Variants in TENM2 observed in about 807,000 individuals in gnomAD.
The protein encoded by TENM2 is teneurin transmembrane protein 2.
TENM2 carries 52 observed loss-of-function variants against 245.2 expected under a neutral mutation model. The observed-to-expected ratio is 0.21, with a 90% CI of 0.17 to 0.27. The LOEUF is 0.27. TENM2 is among the 10% of genes least tolerant of loss of function. The pLI is 1.00. For missense variants in TENM2, 3,046 were observed against 3,666.8 expected (o/e 0.83, Z 4.37); for synonymous variants, 1,363 against 1,438.9 (o/e 0.95, Z 1.19).
chr5:167,160,773 G>A, the TENM2 span, among the ~76,000 whole-genome samples: 6 of 152,190 alleles, frequency 3.9e-5, no homozygotes, highest in Non-Finnish European at 8.8e-5. Context: ...AATTACCTGA[G>A]GATGGGATGT....
Position 167,736,349 on chromosome 5 carries a change from G to C in TENM2, c.503-139637G>C, listed in dbSNP as rs1339221556. The stretch of plus-strand genomic sequence containing the variant: ...ACAATTCAAGATGAGATTTGGGTGG[G>C]GACACAGCCAAATCATATCACAAAG... On this transcript the variant is annotated intron_variant, in intron 2 of 28. Transcript: ENST00000518659. Among the ~76,000 whole-genome samples the C allele has an allele frequency of 2.0e-5, 3 of 151,938 alleles. No individual in the cohort carries two copies. The East Asian group carries it at 5.8e-4, about 29-fold the overall frequency.
the TENM2 span, among the ~76,000 whole-genome samples, chr5:167,132,546 C>T: frequency 6.6e-6 from 1 of 152,122 alleles, no homozygotes; most frequent in Middle Eastern, 3.4e-3. Context: ...AGGCATGTTA[C>T]GCAAATAAAT....
At chr5:167,902,559 G>A (rs147660699) in intron 3 of TENM2, among the ~76,000 whole-genome samples, 14 of 152,192 alleles carry the variant, frequency 9.2e-5, no homozygotes, top group African/African-American at 3.4e-4. Context: ...GGATTAATCC[G>A]TCCTATGGAG....
intron 10 of TENM2, among the ~76,000 whole-genome samples, chr5:168,121,548 G>T (rs1027819030): frequency 1.3e-5 from 2 of 152,132 alleles, no homozygotes; most frequent in African/African-American, 4.8e-5. Flanking sequence ...TGGTTTTTTT[G>T]ATGGCATTCT....
chr5:167,681,625 T>TTA (rs10669024), intron 2 of TENM2, among the ~76,000 whole-genome samples: 33,909 of 151,394 alleles, frequency 0.22, 5,687 homozygotes, highest in East Asian at 0.58. Context: ...ATGTATTTGT[T>TTA]TATATATATA....
intron 2 of TENM2, among the ~76,000 whole-genome samples, chr5:167,814,453 C>CAAAAAAAAAAA (rs11324953): frequency 1.2e-5 from 1 of 83,830 alleles, no homozygotes. Context: ...CACTCCGATT[C>CAAAAAAAAAAA]AAAAAAAAAA....
At chr5:167,581,950 C>G (rs1775126870) in intron 2 of TENM2, among the ~76,000 whole-genome samples, 1 of 151,854 alleles carries the variant, frequency 6.6e-6, no homozygotes, top group Non-Finnish European at 1.5e-5. Context: ...GTTACAAAGC[C>G]ATTGGAGCCC....
At chr5:167,081,447 T>C in the TENM2 span, among the ~76,000 whole-genome samples, 1 of 142,722 alleles carries the variant, frequency 7.0e-6, no homozygotes, top group East Asian at 2.0e-4. Flanking sequence ...TTCTAAGCCT[T>C]TTTTTTGCTT....
chr5:167,369,451 A>ATGTT (rs141279644), intron 1 of TENM2, among the ~76,000 whole-genome samples: 2 of 150,170 alleles, frequency 1.3e-5, no homozygotes, highest in African/African-American at 4.9e-5. Flanking sequence ...TTGATGAACT[A>ATGTT]TTTTTTTTTT....
chr5:168,230,523 T>A (rs1764766804), intron 25 of TENM2, among the ~76,000 whole-genome samples: 1 of 152,152 alleles, frequency 6.6e-6, no homozygotes, highest in Admixed American at 6.6e-5. Context: ...TCGTCAGATG[T>A]TTCGTGAGCC....
chr5:168,226,168 C>G lies in TENM2; in HGVS notation c.5189C>G (p.Ser1730Cys), dbSNP rs371242311. The G allele has an allele frequency of 1.9e-6, 3 of 1,613,594 alleles. No homozygotes were observed. Among genetic ancestry groups the G allele is most frequent in the Admixed American group, 1.7e-5 (1 of 59,966 alleles). The change falls in exon 24 of 29, where the codon TCT becomes TGT. Residue 1730 changes from serine (S) to cysteine (C), a missense_variant. This residue lies in a region of TENM2 where 2,704 missense variants were observed against 3,331.9 expected (regional missense o/e 0.81). Transcript: ENST00000518659. The stretch of plus-strand genomic sequence containing the variant: ...AGTCTGCACCGGGAAATGGAGAAAT[C>G]TATTACCATTGACATTGAGAACTCC...
chr5:168,035,885 A>T (rs748897484), intron 5 of TENM2, among the ~76,000 whole-genome samples: 3 of 152,184 alleles, frequency 2.0e-5, no homozygotes, highest in African/African-American at 4.8e-5. Context: ...TGGGATAAAA[A>T]AGTAACTGCC....
At chr5:167,303,680 T>C (rs1195389466) in intron 1 of TENM2, among the ~76,000 whole-genome samples, 3 of 152,102 alleles carry the variant, frequency 2.0e-5, no homozygotes, top group Admixed American at 6.6e-5. Context: ...GGCCTGACAG[T>C]GGGTCTGTAT....
intron 5 of TENM2, among the ~76,000 whole-genome samples, chr5:168,030,256 C>T (rs535389314): frequency 1.4e-5 from 2 of 142,918 alleles, no homozygotes; most frequent in African/African-American, 5.2e-5. Context: ...TGACACACTA[C>T]CTGTATGGGC....
At chr5:168,041,106 G>A (rs1788148032) in intron 5 of TENM2, among the ~76,000 whole-genome samples, 1 of 152,146 alleles carries the variant, frequency 6.6e-6, no homozygotes, top group Non-Finnish European at 1.5e-5. Context: ...GAGGGCCGAT[G>A]TCCTCCAGTG....
Position 168,244,312 on chromosome 5 carries a change from C to G in TENM2, c.5521-108C>G. 1.2e-6 allele frequency: 1 copy of G among 869,252 alleles called. No individual in the cohort carries two copies. Among genetic ancestry groups the G allele is most frequent in the Admixed American group, 3.7e-5 (1 of 26,778 alleles). The allele number at this position is 869,252 out of a possible 1,614,324, so 53.8% of individuals were successfully genotyped here. ...ACTCTAACTTTGGGGTTATTTCTTC[C>G]TCCAGTGAACACTTAAGCCCTGGCC... On this transcript the variant is annotated intron_variant, in intron 25 of 28. Coordinates refer to ENST00000518659, the Ensembl canonical transcript of TENM2. This position sits in a 1 kb window ranked among gnomAD's most constrained non-coding sequence, Gnocchi z 4.9.
chr5:168,263,041 A>G (rs1202249231), downstream of TENM2: 2 of 484,910 alleles, frequency 4.1e-6, no homozygotes, highest in Non-Finnish European at 7.3e-6. Context: ...AACAAAACAA[A>G]CGAATGAATG....
rs536231286 is a variant in TENM2, at chr5:167,437,711, T to TC, written c.502+62240dup. Among the ~76,000 whole-genome samples, 6 of 152,246 alleles carry TC rather than the reference T, an allele frequency of 3.9e-5. No homozygotes were observed. The South Asian group carries it at 8.3e-4, about 21-fold the overall frequency. ...TCATTGAATTACGGCTGCGGGTCTT[T>TC]CCTGCCCTGTTCTTGTGATAGTGAA... On this transcript the variant is annotated intron_variant, in intron 2 of 28. Transcript: ENST00000518659.
chr5:167,556,497 T>C (rs899725421), intron 2 of TENM2, among the ~76,000 whole-genome samples: 20 of 152,094 alleles, frequency 1.3e-4, no homozygotes, highest in African/African-American at 3.9e-4. Flanking sequence ...GTGTTGATTT[T>C]GATTTTGGGT....
Sources: gnomAD v4.1 joint callset for allele counts (sites outside exome capture counted in the v4.1 genomes callset) on GRCh38, gnomAD v4.1.1 for gene constraint, gnomAD v4.1.1 regional missense constraint, Gnocchi (gnomAD v3.1) non-coding constraint, MANE v1.5 for transcripts, NCBI Gene and HGNC (gene_info 2026-07-23, HGNC 2026-07-21) for gene names.